The following NR6A1 variants were observed in gnomAD, a reference collection of about 807,000 sequenced individuals.
NR6A1 encodes the protein nuclear receptor subfamily 6 group A member 1, also known as retinoic acid receptor-related testis-associated receptor.
Under a neutral mutation model 59.1 loss-of-function variants are expected in NR6A1, and 7 were observed. That is an observed-to-expected ratio of 0.12 (90% CI 0.07 to 0.22). NR6A1 has a LOEUF of 0.22. NR6A1 is among the 10% of genes least tolerant of loss of function. The probability of loss-of-function intolerance (pLI) is 1.00; values close to 1 mark genes in which losing one functional copy is unlikely to be tolerated. For missense variants in NR6A1, 468 were observed against 611.6 expected (o/e 0.77, Z 2.48); for synonymous variants, 243 against 236.1 (o/e 1.03, Z -0.27).
At chr9:124,690,989 A>T (rs139512731) in intron 2 of NR6A1, among the ~76,000 whole-genome samples, 29 of 152,356 alleles carry the variant, frequency 1.9e-4, no homozygotes, top group African/African-American at 6.5e-4. Flanking sequence ...AATTTAAGGA[A>T]TAATATTTTG....
intron 2 of NR6A1, among the ~76,000 whole-genome samples, chr9:124,705,479 G>A (rs1159886192): frequency 1.3e-5 from 2 of 152,050 alleles, no homozygotes; most frequent in Non-Finnish European, 2.9e-5. Context: ...TAAACTGTCT[G>A]ACATTAATAT....
At chr9:124,749,630 T>C (rs914625331) in intron 1 of NR6A1, among the ~76,000 whole-genome samples, 1 of 152,096 alleles carries the variant, frequency 6.6e-6, no homozygotes, top group Non-Finnish European at 1.5e-5. Context: ...GGAACAATCA[T>C]AATGCACTCC....
At chr9:124,596,588 T>C (rs940083282) in intron 2 of NR6A1, among the ~76,000 whole-genome samples, 6 of 152,200 alleles carry the variant, frequency 3.9e-5, no homozygotes, top group African/African-American at 1.4e-4. Flanking sequence ...CCCCAATCCT[T>C]ACCCTCAGCC....
intron 2 of NR6A1, among the ~76,000 whole-genome samples, chr9:124,582,173 TA>T (rs1564189042): frequency 6.6e-6 from 1 of 152,042 alleles, no homozygotes; most frequent in South Asian, 2.1e-4. Flanking sequence ...AGAAACAAAC[TA>T]AATGTCCATC....
chr9:124,549,975 T>C (rs1320929486), intron 3 of NR6A1, among the ~76,000 whole-genome samples: 1 of 152,204 alleles, frequency 6.6e-6, no homozygotes, highest in Non-Finnish European at 1.5e-5. Flanking sequence ...AGCTCAGTCT[T>C]TCCTTGTTTT....
At chr9:124,769,447 T>C (rs964704082) in intron 1 of NR6A1, among the ~76,000 whole-genome samples, 2 of 152,240 alleles carry the variant, frequency 1.3e-5, no homozygotes, top group Non-Finnish European at 2.9e-5. Flanking sequence ...TTCCACCGTC[T>C]GTAGCTACTC....
At chr9:124,605,306 C>T (rs1230733901) in intron 2 of NR6A1, among the ~76,000 whole-genome samples, 1 of 152,166 alleles carries the variant, frequency 6.6e-6, no homozygotes, top group Admixed American at 6.5e-5. Context: ...AGAAAATCTA[C>T]AGATTAGGAA....
intron 2 of NR6A1, among the ~76,000 whole-genome samples, chr9:124,683,235 G>GGGAAAGGGAAAA (rs1315862967): frequency 2.7e-5 from 4 of 149,770 alleles, no homozygotes; most frequent in Non-Finnish European, 5.9e-5. Flanking sequence ...GAAAGGGAAA[G>GGGAAAGGGAAAA]GGAAAAGGAA....
chr9:124,561,799 C>CTA (rs1186808706), intron 2 of NR6A1, among the ~76,000 whole-genome samples: 2 of 152,108 alleles, frequency 1.3e-5, no homozygotes, highest in Non-Finnish European at 2.9e-5. Context: ...GTAATACCAG[C>CTA]TACTCGGGAG....
At chr9:124,707,810 T>C (rs1839177727) in intron 2 of NR6A1, among the ~76,000 whole-genome samples, 2 of 152,156 alleles carry the variant, frequency 1.3e-5, no homozygotes, top group Admixed American at 1.3e-4. Context: ...CCTCTAACTG[T>C]ATAGCTTCCT....
intron 2 of NR6A1, among the ~76,000 whole-genome samples, chr9:124,666,749 T>C (rs1463866980): frequency 6.6e-6 from 1 of 152,198 alleles, no homozygotes; most frequent in Non-Finnish European, 1.5e-5. Context: ...AACCCTGTTC[T>C]AGGCACCAGG....
rs532511499 is a variant in NR6A1 at position 124,757,726 on chromosome 9, T to C, written c.100+13294A>G. ...ATATACGATGCAGCTGTATCTTTCCTGCTTTTATTTATATGCAAGCACTTC... is the reference window on the plus strand; with the variant it reads ...ATATACGATGCAGCTGTATCTTTCCCGCTTTTATTTATATGCAAGCACTTC... On this transcript the variant is annotated intron_variant, in intron 1 of 9. Transcript: ENST00000487099. Among the ~76,000 whole-genome samples the C allele has an allele frequency of 2.6e-5, 4 of 152,342 alleles. No individual in the cohort carries two copies. In the South Asian group the frequency reaches 8.3e-4, roughly 32 times the overall value.
At chr9:124,737,336 A>T (rs554654214) in intron 1 of NR6A1, among the ~76,000 whole-genome samples, 233 of 152,282 alleles carry the variant, frequency 1.5e-3, no homozygotes, top group Non-Finnish European at 2.8e-3. Context: ...TATGGAGAAC[A>T]ATGTTAATCT....
chr9:124,653,652 TCCA>T (rs1308832622), intron 2 of NR6A1, among the ~76,000 whole-genome samples: 1 of 152,208 alleles, frequency 6.6e-6, no homozygotes, highest in Non-Finnish European at 1.5e-5. Context: ...AAGCAATCCT[TCCA>T]CCATGGCGTC....
rs1472672925 is a variant in NR6A1 at position 124,520,885 on chromosome 9, C to T, written c.*1820G>A. ...CTTCTCAGAGCAACTGGGGAAACGGCATTGAGGAGTAATGTTCCGAGTTTT... is the reference window on the plus strand; with the variant it reads ...CTTCTCAGAGCAACTGGGGAAACGGTATTGAGGAGTAATGTTCCGAGTTTT... On this transcript the variant is annotated 3_prime_UTR_variant, in exon 10 of 10. Coordinates refer to ENST00000487099, the MANE Select transcript of NR6A1 (RefSeq NM_033334.4). 2 of 152,334 alleles carry T rather than the reference C, an allele frequency of 1.3e-5. No homozygotes were observed. The highest frequency in any genetic ancestry group is 1.3e-4 in the Admixed American group (2 of 15,314). 9.4% of individuals were successfully genotyped at this position (152,334 alleles called of 1,614,324 possible). A position where few individuals can be genotyped will look rare whatever the true frequency, so the allele number is the denominator to read the frequency against.
chr9:124,706,431 C>A (rs1448150941), intron 2 of NR6A1, among the ~76,000 whole-genome samples: 1 of 152,130 alleles, frequency 6.6e-6, no homozygotes, highest in African/African-American at 2.4e-5. Context: ...TAAAGCAGGT[C>A]CACTCACAAT....
At chr9:124,702,721 CCCT>C (rs903657377) in intron 2 of NR6A1, among the ~76,000 whole-genome samples, 2 of 152,106 alleles carry the variant, frequency 1.3e-5, no homozygotes, top group African/African-American at 2.4e-5. Flanking sequence ...GCCTTTTCCC[CCCT>C]CATCTTCTGC....
At chr9:124,578,108 A>C (rs533415857) in intron 2 of NR6A1, among the ~76,000 whole-genome samples, 1 of 152,282 alleles carries the variant, frequency 6.6e-6, no homozygotes, top group African/African-American at 2.4e-5. Context: ...TCAGATCAAC[A>C]GTTTTTCAGT....
intron 2 of NR6A1, among the ~76,000 whole-genome samples, chr9:124,694,824 AAGG>A (rs1838689387): frequency 6.6e-6 from 1 of 152,200 alleles, no homozygotes; most frequent in Non-Finnish European, 1.5e-5. Flanking sequence ...TCAAATTAGG[AAGG>A]AGAAGTGATG....
Sources: allele counts gnomAD v4.1 joint callset (sites outside exome capture counted in the v4.1 genomes callset), GRCh38; gene constraint gnomAD v4.1.1; transcripts MANE v1.5; gene names NCBI Gene and HGNC (gene_info 2026-07-23, HGNC 2026-07-21).